The following CDH13 variants were observed in gnomAD, a reference collection of about 807,000 sequenced individuals.
CDH13 encodes the protein cadherin-13.
A neutral mutation model predicts 63.8 loss-of-function variants in CDH13; 24 were observed. The observed-to-expected ratio is 0.38, with a 90% CI of 0.27 to 0.53. The LOEUF (loss-of-function observed/expected upper bound fraction) is 0.53, where lower values mean the gene tolerates loss of function less well. Ranked by LOEUF, CDH13 falls within the 20% of genes least tolerant of loss-of-function variation. The probability of loss-of-function intolerance (pLI) is 0.85; values close to 1 mark genes in which losing one functional copy is unlikely to be tolerated. For synonymous variants in CDH13, 503 were observed against 355.3 expected (o/e 1.42, Z -4.67); for missense variants, 1,049 against 903.1 (o/e 1.16, Z -2.07).
At chr16:83,049,400 T>A (rs2030028095) in intron 3 of CDH13, among the ~76,000 whole-genome samples, 1 of 143,546 alleles carries the variant, frequency 7.0e-6, no homozygotes, top group Non-Finnish European at 1.5e-5. Flanking sequence ...AGTGGTGCGA[T>A]CTCTATTCAC....
In CDH13 at chr16:83,031,955, G is replaced by T. The variant is rs967913119; in HGVS notation, c.158-55G>T. 1.2e-5 allele frequency: 17 copies of T among 1,374,324 alleles called. No homozygotes were observed. The African/African-American group carries it at 1.9e-4, about 15-fold the overall frequency. The allele number at this position is 1,374,324 out of a possible 1,614,324, so 85.1% of individuals were successfully genotyped here. A position where few individuals can be genotyped will look rare whatever the true frequency, so the allele number is the denominator to read the frequency against. ...CACTTAATAGGTCAGAGATATCTCA[G>T]AGATAAGCTGCCCAACCTACTCATG... On this transcript the variant is annotated intron_variant, in intron 2 of 13. Coordinates refer to ENST00000567109, the MANE Select transcript of CDH13 (RefSeq NM_001257.5).
intron 1 of CDH13, among the ~76,000 whole-genome samples, chr16:82,654,192 A>C (rs17177428): frequency 6.6e-6 from 1 of 151,896 alleles, no homozygotes; most frequent in Non-Finnish European, 1.5e-5. Flanking sequence ...TTAGAGAGTC[A>C]CCTAGAGATT....
intron 2 of CDH13, among the ~76,000 whole-genome samples, chr16:82,926,267 C>T (rs1333940414): frequency 6.9e-6 from 1 of 145,678 alleles, no homozygotes; most frequent in African/African-American, 2.6e-5. Context: ...GACAGTGTTC[C>T]AGTAAAACGT....
chr16:83,391,499 A>T (rs776973300), intron 6 of CDH13, among the ~76,000 whole-genome samples: 1 of 152,138 alleles, frequency 6.6e-6, no homozygotes, highest in Non-Finnish European at 1.5e-5. Context: ...CCACCGTGCC[A>T]GCCACACATT....
chr16:82,792,881 C>A (rs1470716386), intron 1 of CDH13, among the ~76,000 whole-genome samples: 1 of 152,148 alleles, frequency 6.6e-6, no homozygotes, highest in Non-Finnish European at 1.5e-5. Context: ...GTAAGAAAGT[C>A]CACATGAAAT....
chr16:83,731,083 G>A (rs529884630), intron 10 of CDH13, among the ~76,000 whole-genome samples: 6 of 152,176 alleles, frequency 3.9e-5, no homozygotes, highest in Non-Finnish European at 5.9e-5. Flanking sequence ...ACCTGGATTG[G>A]TTCCTTGTGC....
intron 5 of CDH13, among the ~76,000 whole-genome samples, chr16:83,323,493 C>G (rs1006574347): frequency 9.9e-5 from 15 of 151,838 alleles, no homozygotes; most frequent in African/African-American, 3.4e-4. Flanking sequence ...GTTTGCCAGG[C>G]TGCTCTCAAA....
chr16:82,813,804 C>T (rs1027659101), intron 1 of CDH13, among the ~76,000 whole-genome samples: 12 of 152,152 alleles, frequency 7.9e-5, no homozygotes, highest in South Asian at 6.2e-4. Flanking sequence ...GCCATTTTGG[C>T]GAAAAGATAG....
At chr16:82,972,196 T>C (rs1332968618) in intron 2 of CDH13, among the ~76,000 whole-genome samples, 1 of 152,026 alleles carries the variant, frequency 6.6e-6, no homozygotes, top group East Asian at 1.9e-4. Context: ...AACAGATCAA[T>C]AGAATGGAGG....
intron 11 of CDH13, among the ~76,000 whole-genome samples, chr16:83,763,678 AC>A (rs1914157229): frequency 1.3e-5 from 2 of 152,176 alleles, no homozygotes; most frequent in African/African-American, 4.8e-5. Context: ...CCAGTTTAAC[AC>A]CCCTTATCTC....
At chr16:83,721,486 G>C (rs1333759066) in intron 10 of CDH13, 1 of 152,232 alleles carries the variant, frequency 6.6e-6, no homozygotes. Context: ...GACCCCAGAG[G>C]AGCAGTGCGC....
At chr16:83,555,217 C>G (rs915474962) in intron 7 of CDH13, among the ~76,000 whole-genome samples, 2 of 152,122 alleles carry the variant, frequency 1.3e-5, no homozygotes, top group African/African-American at 4.8e-5. Context: ...TTTATGGAGA[C>G]CATGGTTTGT....
At chr16:83,041,001 G>A (rs1048833341) in intron 3 of CDH13, among the ~76,000 whole-genome samples, 1 of 152,060 alleles carries the variant, frequency 6.6e-6, no homozygotes, top group African/African-American at 2.4e-5. Flanking sequence ...TATTCCTCAG[G>A]TGCTCACTGT....
At chr16:83,055,631 C>G (rs2030846555) in intron 3 of CDH13, among the ~76,000 whole-genome samples, 1 of 151,726 alleles carries the variant, frequency 6.6e-6, no homozygotes. Context: ...AAGATAATTC[C>G]AAGTCCAGAT....
rs555304665 is a variant in CDH13 at position 83,362,793 on chromosome 16, C to G, written c.781+17787C>G. ...GGCACTTTTATACTTATTCGGCGGT[C>G]TCTAACATAAGCATTCAGTCCTGCT... On this transcript the variant is annotated intron_variant, in intron 6 of 13. Coordinates refer to ENST00000567109, the MANE Select transcript of CDH13 (RefSeq NM_001257.5). Among the ~76,000 whole-genome samples the G allele has an allele frequency of 1.1e-3, 160 of 152,312 alleles. 1 individual carries two copies. Among genetic ancestry groups the G allele is most frequent in the African/African-American group, 3.8e-3 (157 of 41,564 alleles).
intron 8 of CDH13, among the ~76,000 whole-genome samples, chr16:83,636,405 C>T (rs1911269940): frequency 6.6e-6 from 1 of 152,110 alleles, no homozygotes; most frequent in African/African-American, 2.4e-5. Flanking sequence ...AACCCTAGCA[C>T]CCAAATTGGT....
rs188381122 is a variant in CDH13, at chr16:82,938,057, A to C, written c.157+79584A>C. Among the ~76,000 whole-genome samples the C allele has an allele frequency of 7.9e-5, 12 of 152,382 alleles. 1 individual carries two copies. In the East Asian group the frequency reaches 2.3e-3, roughly 29 times the overall value. ...TGAAAGAAGAAGAAAAAGAAAAAGCAGCTGCAACAGCGGTAGCAACAACAC... is the reference window on the plus strand; with the variant it reads ...TGAAAGAAGAAGAAAAAGAAAAAGCCGCTGCAACAGCGGTAGCAACAACAC... On this transcript the variant is annotated intron_variant, in intron 2 of 13. Coordinates refer to ENST00000567109, the MANE Select transcript of CDH13 (RefSeq NM_001257.5).
intron 5 of CDH13, among the ~76,000 whole-genome samples, chr16:83,266,044 C>G (rs539441709): frequency 3.9e-5 from 6 of 152,242 alleles, no homozygotes; most frequent in South Asian, 4.1e-4. Context: ...TCAAGCGATT[C>G]TCCTGCCTCA....
chr16:83,160,094 A>G (rs2037383471), intron 4 of CDH13, among the ~76,000 whole-genome samples: 1 of 152,204 alleles, frequency 6.6e-6, no homozygotes, highest in South Asian at 2.1e-4. Context: ...AAGAGAAAAA[A>G]AAAATTGTTA....
Sources: gnomAD v4.1 joint callset for allele counts (sites outside exome capture counted in the v4.1 genomes callset) on GRCh38, gnomAD v4.1.1 for gene constraint, MANE v1.5 for transcripts, NCBI Gene and HGNC (gene_info 2026-07-23, HGNC 2026-07-21) for gene names.